Variants in HIVEP3 observed in about 807,000 individuals in gnomAD.
HIVEP3 encodes the protein transcription factor HIVEP3.
HIVEP3 carries 49 observed loss-of-function variants against 152.8 expected under a neutral mutation model. That is an observed-to-expected ratio of 0.32 (90% confidence interval 0.26 to 0.41). The LOEUF (loss-of-function observed/expected upper bound fraction) is 0.41, where lower values mean the gene tolerates loss of function less well. Ranked by LOEUF, HIVEP3 falls within the 10% of genes least tolerant of loss-of-function variation. The pLI is 1.00. For synonymous variants in HIVEP3, 1,269 were observed against 1,289.0 expected (o/e 0.98, Z 0.33); for missense variants, 2,790 against 3,103.3 (o/e 0.90, Z 2.40).
At position 41,645,482 on chromosome 1, in the gene HIVEP3, A is replaced by C. The variant is rs574592179; in HGVS notation, c.-720-16535T>G. 2.6e-5 allele frequency among the ~76,000 whole-genome samples: 4 copies of C among 152,322 alleles called. No individual in the cohort carries two copies. In the South Asian group the frequency reaches 8.3e-4, roughly 32 times the overall value. On this transcript the variant is annotated intron_variant, in intron 2 of 8. Coordinates refer to ENST00000372583, the MANE Select transcript of HIVEP3 (RefSeq NM_024503.5). ...TATTTTACTGGGAACTCCTTAACAG[A>C]GTCTCCACAGTAGGTCCTCCACATG...
chr1:41,924,959 T>C (rs1644960492), intron 1 of HIVEP3, among the ~76,000 whole-genome samples: 1 of 151,976 alleles, frequency 6.6e-6, no homozygotes, highest in African/African-American at 2.4e-5. Flanking sequence ...TCACCTGGAG[T>C]CCCTTCCCTA....
intron 2 of HIVEP3, among the ~76,000 whole-genome samples, chr1:41,669,789 A>G (rs1570272261): frequency 6.6e-6 from 1 of 152,358 alleles, no homozygotes; most frequent in Admixed American, 6.5e-5. Context: ...ACAGCAGATC[A>G]TAGGACTTCT....
intron 1 of HIVEP3, among the ~76,000 whole-genome samples, chr1:41,938,779 C>T (rs1327918863): frequency 2.6e-5 from 4 of 152,160 alleles, no homozygotes; most frequent in Non-Finnish European, 5.9e-5. Flanking sequence ...ATTCTCATAA[C>T]CTAAATACAA....
At chr1:41,978,353 G>C (rs1645272807) in intron 1 of HIVEP3, among the ~76,000 whole-genome samples, 1 of 152,096 alleles carries the variant, frequency 6.6e-6, no homozygotes, top group Non-Finnish European at 1.5e-5. Flanking sequence ...TTGTAGATAG[G>C]GGCTTTAAAG....
chr1:41,979,678 G>C (rs1350558063), intron 1 of HIVEP3, among the ~76,000 whole-genome samples: 3 of 152,286 alleles, frequency 2.0e-5, no homozygotes, highest in Non-Finnish European at 1.5e-5. Flanking sequence ...GGCTTAGCAA[G>C]AGCCACATTC....
chr1:41,532,075 A>G (rs1643275826), intron 5 of HIVEP3, among the ~76,000 whole-genome samples: 1 of 132,322 alleles, frequency 7.6e-6, no homozygotes, highest in Non-Finnish European at 1.6e-5. Flanking sequence ...GAGATGGAGG[A>G]CAGGAGAGAT....
At chr1:41,878,426 C>T (rs968827393) in intron 1 of HIVEP3, among the ~76,000 whole-genome samples, 1 of 151,216 alleles carries the variant, frequency 6.6e-6, no homozygotes, top group Admixed American at 6.6e-5. Context: ...AATCATTTCA[C>T]AAGAAAAAAA....
intron 1 of HIVEP3, among the ~76,000 whole-genome samples, chr1:41,889,095 C>T (rs1644405406): frequency 6.7e-6 from 1 of 149,192 alleles, no homozygotes; most frequent in South Asian, 2.1e-4. Flanking sequence ...CGCCACATAC[C>T]TCACACACCA....
At chr1:41,758,452 C>T (rs754489352) in intron 1 of HIVEP3, among the ~76,000 whole-genome samples, 14 of 152,216 alleles carry the variant, frequency 9.2e-5, no homozygotes, top group Admixed American at 2.0e-4. Flanking sequence ...CAGCCTTCCA[C>T]GCTTCAATGG....
intron 2 of HIVEP3, among the ~76,000 whole-genome samples, chr1:41,674,901 T>C (rs1645931724): frequency 6.6e-6 from 1 of 152,144 alleles, no homozygotes; most frequent in African/African-American, 2.4e-5. Context: ...TCCACACTTA[T>C]TGGAACAGAA....
intron 1 of HIVEP3, among the ~76,000 whole-genome samples, chr1:41,770,007 T>C (rs1570497737): frequency 6.6e-6 from 1 of 152,176 alleles, no homozygotes; most frequent in Non-Finnish European, 1.5e-5. Flanking sequence ...CTCCCTCTGT[T>C]GCCCAGGCTG....
At chr1:41,846,052 A>G (rs1387883478) in intron 1 of HIVEP3, among the ~76,000 whole-genome samples, 1 of 152,218 alleles carries the variant, frequency 6.6e-6, no homozygotes, top group Admixed American at 6.5e-5. Flanking sequence ...CAACAGAGTG[A>G]GACTCCATCT....
intron 3 of HIVEP3, among the ~76,000 whole-genome samples, chr1:41,596,787 C>A (rs1392419573): frequency 1.3e-5 from 2 of 152,132 alleles, no homozygotes; most frequent in Admixed American, 6.5e-5. Flanking sequence ...ATCCAGGAAA[C>A]CCCCAAGGGC....
intron 1 of HIVEP3, among the ~76,000 whole-genome samples, chr1:41,859,211 G>A (rs1643852055): frequency 6.6e-6 from 1 of 152,194 alleles, no homozygotes; most frequent in South Asian, 2.1e-4. Context: ...TGGCATGGAA[G>A]CTGGGCCTGG....
chr1:41,821,983 C>T (rs376550115), intron 1 of HIVEP3, among the ~76,000 whole-genome samples: 8 of 152,192 alleles, frequency 5.3e-5, no homozygotes, highest in African/African-American at 1.9e-4. Context: ...CCATTGCTGC[C>T]TAACAAACCA....
At chr1:41,792,882 C>T (rs1229142905) in intron 1 of HIVEP3, among the ~76,000 whole-genome samples, 2 of 152,196 alleles carry the variant, frequency 1.3e-5, no homozygotes, top group African/African-American at 2.4e-5. Flanking sequence ...TAATATATTG[C>T]TTGCTTCCCC....
chr1:41,523,886 G>T (rs1261579439), intron 6 of HIVEP3, among the ~76,000 whole-genome samples: 1 of 152,220 alleles, frequency 6.6e-6, no homozygotes, highest in Non-Finnish European at 1.5e-5. Context: ...AGAGCCCTGG[G>T]TCTCCCTCCA....
At position 41,582,880 on chromosome 1, in the gene HIVEP3, C is replaced by T. The variant is rs775662497; in HGVS notation, c.1918G>A (p.Gly640Arg). 3.7e-6 allele frequency: 6 copies of T among 1,614,084 alleles called. No homozygotes were observed. The highest frequency in any genetic ancestry group is 3.3e-5 in the South Asian group (3 of 91,092). ...KKTKKGLKTKGVIYECNICGA... is the reference protein window; with the variant it reads ...KKTKKGLKTKRVIYECNICGA... ...CATATGTTACATTCGTAGATCACCCCTTTTGTTTTCAAACCCTTCTTGGTC... is the reference window on the plus strand; with the variant it reads ...CATATGTTACATTCGTAGATCACCCTTTTTGTTTTCAAACCCTTCTTGGTC... Residue 640 changes from glycine (G) to arginine (R), a missense_variant, in exon 4 of 9, where the codon GGG becomes AGG. Around this residue, in one of 9 missense-constraint regions of HIVEP3, gnomAD observed 339 missense variants for 327.0 expected, o/e 1.04. Coordinates refer to ENST00000372583, the MANE Select transcript of HIVEP3 (RefSeq NM_024503.5). The surrounding 1 kb of genome is among the most constrained non-coding windows in gnomAD (Gnocchi z 4.7).
intron 1 of HIVEP3, among the ~76,000 whole-genome samples, chr1:41,866,314 C>T (rs1304262674): frequency 1.3e-5 from 2 of 152,262 alleles, no homozygotes; most frequent in Non-Finnish European, 2.9e-5. Context: ...GTGGAAACCA[C>T]TGCAGCTGCT....
Sources: gnomAD v4.1 joint callset for allele counts (sites outside exome capture counted in the v4.1 genomes callset) on GRCh38, gnomAD v4.1.1 for gene constraint, gnomAD v4.1.1 regional missense constraint, Gnocchi (gnomAD v3.1) non-coding constraint, MANE v1.5 for transcripts, NCBI Gene and HGNC (gene_info 2026-07-23, HGNC 2026-07-21) for gene names.